Variants in RANBP2 observed in about 807,000 individuals in gnomAD.
The protein encoded by RANBP2 is E3 SUMO-protein ligase RanBP2.
A neutral mutation model predicts 303.6 loss-of-function variants in RANBP2; 57 were observed. The ratio of observed to expected loss-of-function variants is 0.19; its 90% confidence interval spans 0.15 to 0.23. The LOEUF is 0.23. Among genes scored for constraint, RANBP2 ranks in the 10% least tolerant of loss-of-function variants. The probability of loss-of-function intolerance (pLI) is 1.00; values close to 1 mark genes in which losing one functional copy is unlikely to be tolerated. For synonymous variants in RANBP2, 1,167 were observed against 1,301.5 expected (o/e 0.90, Z 2.23); for missense variants, 3,138 against 3,780.8 (o/e 0.83, Z 4.46).
chr2:109,629,870 C>T, the RANBP2 span, among the ~76,000 whole-genome samples: 4 of 151,940 alleles, frequency 2.6e-5, no homozygotes, highest in African/African-American at 7.3e-5. Flanking sequence ...CGTTATGTAC[C>T]CCGCTAATAT....
the RANBP2 span, among the ~76,000 whole-genome samples, chr2:109,026,949 C>A: frequency 1.6e-4 from 24 of 152,062 alleles, no homozygotes; most frequent in East Asian, 4.6e-3. Flanking sequence ...AAAAAAGAAC[C>A]TCTGAAGACA....
the RANBP2 span, among the ~76,000 whole-genome samples, chr2:108,981,672 A>G: frequency 6.6e-6 from 1 of 152,178 alleles, no homozygotes; most frequent in East Asian, 1.9e-4. Context: ...TAGTTATGAT[A>G]CAAGGTTAGA....
At chr2:109,382,489 T>C in the RANBP2 span, among the ~76,000 whole-genome samples, 2 of 152,152 alleles carry the variant, frequency 1.3e-5, no homozygotes, top group Non-Finnish European at 2.9e-5. Flanking sequence ...CTCATCTGCA[T>C]GAACTCTCCA....
the RANBP2 span, among the ~76,000 whole-genome samples, chr2:108,973,111 C>T: frequency 1.3e-5 from 2 of 152,194 alleles, no homozygotes; most frequent in Admixed American, 6.5e-5. Flanking sequence ...GTCAGCCTCC[C>T]CATTAGCTGG....
the RANBP2 span, among the ~76,000 whole-genome samples, chr2:109,520,642 A>G: frequency 2.1e-3 from 190 of 90,520 alleles, 8 homozygotes; most frequent in African/African-American, 6.1e-3. Flanking sequence ...AAGAATTATG[A>G]TGTTGAGGCC....
chr2:109,767,359 T>A, the RANBP2 span, among the ~76,000 whole-genome samples: 1 of 148,136 alleles, frequency 6.8e-6, no homozygotes, highest in Non-Finnish European at 1.5e-5. Context: ...ACAAATATGC[T>A]CTTACTTACG....
the RANBP2 span, among the ~76,000 whole-genome samples, chr2:108,939,782 T>C: frequency 3.3e-5 from 5 of 152,232 alleles, no homozygotes; most frequent in African/African-American, 1.2e-4. Flanking sequence ...CTTGTCCTCA[T>C]TTCTTTGCTC....
At chr2:109,228,605 G>A in the RANBP2 span, among the ~76,000 whole-genome samples, 38 of 152,246 alleles carry the variant, frequency 2.5e-4, no homozygotes, top group Non-Finnish European at 4.0e-4. Flanking sequence ...GAGGCCAGTT[G>A]CAAGAGGTGT....
chr2:109,519,750 T>C, the RANBP2 span, among the ~76,000 whole-genome samples: 3 of 152,332 alleles, frequency 2.0e-5, no homozygotes, highest in East Asian at 1.9e-4. Flanking sequence ...CAGCATGCTT[T>C]TGTCAAGGGC....
chr2:108,787,178 C>CT (rs991297284), downstream of RANBP2, among the ~76,000 whole-genome samples: 28 of 152,070 alleles, frequency 1.8e-4, no homozygotes, highest in East Asian at 4.4e-3. Flanking sequence ...TGCTATTCAG[C>CT]TTTTTTTTGC....
At chr2:109,396,035 G>A in the RANBP2 span, among the ~76,000 whole-genome samples, 2 of 152,312 alleles carry the variant, frequency 1.3e-5, no homozygotes, top group African/African-American at 2.4e-5. Flanking sequence ...AAGTGCAGGC[G>A]CGTGGCAGGT....
the RANBP2 span, chr2:109,504,134 G>C: frequency 1.3e-5 from 2 of 152,242 alleles, no homozygotes; most frequent in Admixed American, 1.3e-4. Context: ...AGAAGAGCAG[G>C]AGCAGAATTA....
At chr2:108,775,134 C>G (rs1677786062) in intron 23 of RANBP2, among the ~76,000 whole-genome samples, 1 of 152,176 alleles carries the variant, frequency 6.6e-6, no homozygotes, top group African/African-American at 2.4e-5. Context: ...TTTTCTCTTT[C>G]ATGCAGTTTG....
At chr2:109,180,428 G>A in the RANBP2 span, among the ~76,000 whole-genome samples, 1 of 152,178 alleles carries the variant, frequency 6.6e-6, no homozygotes, top group African/African-American at 2.4e-5. Context: ...CAATGAACTG[G>A]CTCCTCAGGG....
At chr2:108,788,407 C>T (rs1679295973), downstream of RANBP2, among the ~76,000 whole-genome samples, 1 of 124,890 alleles carries the variant, frequency 8.0e-6, no homozygotes, top group Admixed American at 8.5e-5. Context: ...GCAACAAGAG[C>T]GAAACTCAGT....
At chr2:109,225,743 A>G in the RANBP2 span, among the ~76,000 whole-genome samples, 2 of 152,224 alleles carry the variant, frequency 1.3e-5, no homozygotes, top group Admixed American at 1.3e-4. Context: ...ATTTATTTTT[A>G]TAAGTTAGTT....
the RANBP2 span, among the ~76,000 whole-genome samples, chr2:109,109,795 A>T: frequency 2.0e-5 from 3 of 152,126 alleles, no homozygotes; most frequent in Admixed American, 6.5e-5. Context: ...AATCAATTTT[A>T]TTTTCATGAA....
the RANBP2 span, among the ~76,000 whole-genome samples, chr2:109,275,995 C>G: frequency 6.6e-6 from 1 of 152,176 alleles, no homozygotes; most frequent in Non-Finnish European, 1.5e-5. Context: ...GAACATGCCC[C>G]CATTTGGTCT....
At chr2:108,743,538 C>G (rs1438560116) in intron 7 of RANBP2, among the ~76,000 whole-genome samples, 1 of 152,196 alleles carries the variant, frequency 6.6e-6, no homozygotes, top group African/African-American at 2.4e-5. Context: ...CTTGCCCTCC[C>G]AAAGTGCTGG....
Sources: allele counts gnomAD v4.1 joint callset (sites outside exome capture counted in the v4.1 genomes callset), GRCh38; gene constraint gnomAD v4.1.1; transcripts MANE v1.5; gene names NCBI Gene and HGNC (gene_info 2026-07-23, HGNC 2026-07-21).